NOL10: variants seen among roughly 807,000 people sequenced by gnomAD.
NOL10 encodes the protein nucleolar protein 10, also known as H_NH0074G24.1.
A neutral mutation model predicts 103.5 loss-of-function variants in NOL10; 58 were observed. The ratio of observed to expected loss-of-function variants is 0.56; its 90% CI spans 0.45 to 0.70. The LOEUF is 0.70. NOL10 is among the 30% of genes least tolerant of loss of function. The pLI, the probability that NOL10 is intolerant of heterozygous loss-of-function variation, is 0.00. For synonymous variants in NOL10, 287 were observed against 282.5 expected (o/e 1.02, Z -0.16); for missense variants, 763 against 807.3 (o/e 0.95, Z 0.67).
intron 12 of NOL10, among the ~76,000 whole-genome samples, chr2:10,646,697 C>T (rs1679092817): frequency 6.6e-6 from 1 of 152,210 alleles, no homozygotes. Context: ...AGGCAAGTCA[C>T]ATTCTCAGCA....
At chr2:10,593,877 C>T (rs1046450058) in intron 17 of NOL10, among the ~76,000 whole-genome samples, 1 of 152,124 alleles carries the variant, frequency 6.6e-6, no homozygotes, top group African/African-American at 2.4e-5. Flanking sequence ...CCTTTACCCC[C>T]CCAAGCAGGA....
At chr2:10,590,156 G>A (rs1003360552) in intron 17 of NOL10, among the ~76,000 whole-genome samples, 22 of 152,120 alleles carry the variant, frequency 1.4e-4, no homozygotes, top group Non-Finnish European at 2.8e-4. Flanking sequence ...CTCCAGGCTG[G>A]AGTGCAGTGG....
intron 17 of NOL10, among the ~76,000 whole-genome samples, chr2:10,598,250 G>C (rs1389593488): frequency 6.6e-6 from 1 of 152,128 alleles, no homozygotes; most frequent in Non-Finnish European, 1.5e-5. Context: ...TGCATCAGGC[G>C]GTGTGATGCA....
intron 1 of NOL10, among the ~76,000 whole-genome samples, chr2:10,687,931 T>C (rs1296134379): frequency 6.6e-6 from 1 of 152,064 alleles, no homozygotes; most frequent in African/African-American, 2.4e-5. Flanking sequence ...CAAAAAAAAA[T>C]CTTGATTCTT....
intron 17 of NOL10, among the ~76,000 whole-genome samples, chr2:10,593,553 A>G (rs1675509846): frequency 6.6e-6 from 1 of 152,214 alleles, no homozygotes; most frequent in Admixed American, 6.5e-5. Context: ...AAACTTCACT[A>G]GAACAACAGA....
At chr2:10,616,434 A>C (rs1676839669) in intron 13 of NOL10, among the ~76,000 whole-genome samples, 1 of 151,764 alleles carries the variant, frequency 6.6e-6, no homozygotes, top group Non-Finnish European at 1.5e-5. Flanking sequence ...TGGCCAGGCT[A>C]TTCTCAAATT....
intron 20 of NOL10, 72 bp from the exon 21 acceptor site, chr2:10,572,262 C>T: frequency 6.6e-7 from 1 of 1,512,044 alleles, no homozygotes; most frequent in South Asian, 1.1e-5. Flanking sequence ...AACCGTCAGG[C>T]TGCCAACAGT....
At chr2:10,583,608 A>G (rs956075664) in intron 19 of NOL10, among the ~76,000 whole-genome samples, 5 of 152,256 alleles carry the variant, frequency 3.3e-5, no homozygotes, top group Non-Finnish European at 7.3e-5. Flanking sequence ...TGGCAACATT[A>G]CTAGACATCT....
intron 13 of NOL10, among the ~76,000 whole-genome samples, chr2:10,611,029 G>C (rs1289885899): frequency 6.6e-6 from 1 of 152,062 alleles, no homozygotes; most frequent in African/African-American, 2.4e-5. Context: ...GCCTAGGCTG[G>C]TCTTGAAACT....
In NOL10 at chr2:10,602,012, G is replaced by T. The variant is rs75423257; in HGVS notation, c.1332+764C>A. Among the ~76,000 whole-genome samples, 22 of 152,344 alleles carry T rather than the reference G, an allele frequency of 1.4e-4. No homozygotes were observed. The East Asian group carries it at 4.2e-3, about 29-fold the overall frequency. ...GACTGCAAGGCAGGTGCAGGAGCAG[G>T]GCCTGCCCTTCTCTGTCTACACTGG... On this transcript the variant is annotated intron_variant, in intron 16 of 20. Coordinates refer to ENST00000381685, the MANE Select transcript of NOL10 (RefSeq NM_024894.4).
At chr2:10,573,920 A>T (rs1674316082) in intron 20 of NOL10, among the ~76,000 whole-genome samples, 1 of 152,056 alleles carries the variant, frequency 6.6e-6, no homozygotes, top group South Asian at 2.1e-4. Flanking sequence ...GCTTCCTTTC[A>T]AATATCCCTT....
chr2:10,610,302 G>T (rs1443286909), intron 13 of NOL10, among the ~76,000 whole-genome samples: 1 of 152,162 alleles, frequency 6.6e-6, no homozygotes, highest in Admixed American at 6.5e-5. Flanking sequence ...GATGTGAATT[G>T]ACTTTCACAT....
chr2:10,583,325 T>C (rs1443054119), intron 19 of NOL10, among the ~76,000 whole-genome samples: 1 of 152,216 alleles, frequency 6.6e-6, no homozygotes, highest in Non-Finnish European at 1.5e-5. Context: ...AAGTAAAATA[T>C]TTGTTTTTCC....
chr2:10,683,627 T>A (rs4669606), intron 2 of NOL10, among the ~76,000 whole-genome samples: 6 of 152,002 alleles, frequency 3.9e-5, no homozygotes, highest in Non-Finnish European at 7.4e-5. Context: ...AGAACCTTGA[T>A]AGACAGGTAA....
rs546020091 is a variant in NOL10 at position 10,668,658 on chromosome 2, G to A, written c.530C>T (p.Ala177Val). Residue 177 changes from alanine (A) to valine (V), a missense_variant and splice_region_variant, in exon 7 of 21, where the codon GCG becomes GTG. Physicochemically the swap from Ala to Val is moderately conservative, Grantham distance 64. Coordinates refer to ENST00000381685, the MANE Select transcript of NOL10 (RefSeq NM_024894.4). Reference sequence around the variant, plus strand: ...TAGCAGAATTACTAAAACTACTCACGCAGCATCAGTTTGTAGAGGATTCAG... The same window carrying A: ...TAGCAGAATTACTAAAACTACTCACACAGCATCAGTTTGTAGAGGATTCAG... ...RYLNPLQTDA[A>V]ENNVCDINSV... The A allele has an allele frequency of 3.1e-5, 47 of 1,499,864 alleles. No homozygotes were observed. In the Middle Eastern group the frequency reaches 6.9e-4, roughly 22 times the overall value. 92.9% of individuals were successfully genotyped at this position (1,499,864 alleles called of 1,614,324 possible).
intron 13 of NOL10, among the ~76,000 whole-genome samples, chr2:10,627,592 G>A (rs1292735936): frequency 6.6e-6 from 1 of 151,808 alleles, no homozygotes; most frequent in African/African-American, 2.4e-5. Flanking sequence ...GGAGAATGGC[G>A]TGAACCCGGG....
intron 13 of NOL10, among the ~76,000 whole-genome samples, chr2:10,623,061 C>A (rs1362315734): frequency 6.6e-6 from 1 of 151,696 alleles, no homozygotes; most frequent in Non-Finnish European, 1.5e-5. Flanking sequence ...AAATGGGGCC[C>A]TCATTATTTT....
At chr2:10,649,229 G>C (rs1203754554) in intron 12 of NOL10, among the ~76,000 whole-genome samples, 1 of 151,510 alleles carries the variant, frequency 6.6e-6, no homozygotes, top group Non-Finnish European at 1.5e-5. Context: ...ATCAATTATG[G>C]TGAAGACAAC....
intron 1 of NOL10, among the ~76,000 whole-genome samples, chr2:10,689,190 T>C (rs1222948550): frequency 6.6e-6 from 1 of 152,206 alleles, no homozygotes; most frequent in Non-Finnish European, 1.5e-5. Flanking sequence ...CAGCTGCATA[T>C]TAAACGCATT....
Sources: allele counts gnomAD v4.1 joint callset (sites outside exome capture counted in the v4.1 genomes callset), GRCh38; gene constraint gnomAD v4.1.1; transcripts MANE v1.5; gene names NCBI Gene and HGNC (gene_info 2026-07-23, HGNC 2026-07-21).